The following MYH9 variants were observed in gnomAD, a reference collection of about 807,000 sequenced individuals.
MYH9 encodes the protein myosin heavy chain 9, also known as myosin-9.
MYH9 carries 29 observed loss-of-function variants against 241.9 expected under a neutral mutation model. That is an observed-to-expected ratio of 0.12 (90% confidence interval 0.09 to 0.16). The LOEUF is 0.16. MYH9 is among the 10% of genes least tolerant of loss of function. The probability of loss-of-function intolerance (pLI) is 1.00; values close to 1 mark genes in which losing one functional copy is unlikely to be tolerated. For synonymous variants in MYH9, 1,047 were observed against 1,062.6 expected, an observed-to-expected ratio of 0.99 and a Z score of 0.29; for missense variants, 1,803 against 2,595.5, an observed-to-expected ratio of 0.69 and a Z score of 6.63.
chr22:36,354,925 C>T lies in MYH9; in HGVS notation c.-19-5670G>A, dbSNP rs2017828565. On this transcript the variant is annotated intron_variant, in intron 1 of 40. Transcript: ENST00000216181. ...AGCAACCAACCAGCATCATCATCTA[C>T]CACTTAAAAAAACAAAAAAACAAAA... Among the ~76,000 whole-genome samples, 6 of 138,630 alleles carry T rather than the reference C, an allele frequency of 4.3e-5. No individual in the cohort carries two copies. In the South Asian group the frequency reaches 1.4e-3, roughly 31 times the overall value. 90.9% of individuals were successfully genotyped at this position (138,630 alleles called of 152,430 possible).
Position 36,282,315 on chromosome 22 carries a change from C to T in MYH9, c.*353G>A, listed in dbSNP as rs2016503494. ...GCCTCAGTCTGAAGAAAAATAGATT[C>T]ATAGAAAACTCTGGCCCCTCCCCGG... On this transcript the variant is annotated 3_prime_UTR_variant, in exon 41 of 41. Coordinates refer to ENST00000216181, the MANE Select transcript of MYH9 (RefSeq NM_002473.6). 3 of 441,934 alleles carry T rather than the reference C, an allele frequency of 6.8e-6. No homozygotes were observed. The East Asian group carries it at 1.2e-4, about 17-fold the overall frequency. 27.4% of individuals were successfully genotyped at this position (441,934 alleles called of 1,614,324 possible). A position where few individuals can be genotyped will look rare whatever the true frequency, so the allele number is the denominator to read the frequency against.
At chr22:36,386,213 G>A (rs1569537445) in intron 1 of MYH9, among the ~76,000 whole-genome samples, 1 of 152,028 alleles carries the variant, frequency 6.6e-6, no homozygotes, top group Non-Finnish European at 1.5e-5. Flanking sequence ...ATTTGTCTCA[G>A]TTCTCCCCTA....
chr22:36,328,852 G>A (rs2017376477), intron 3 of MYH9: 1 of 152,246 alleles, frequency 6.6e-6, no homozygotes, highest in South Asian at 2.1e-4. Flanking sequence ...CTGGGAGAAT[G>A]ACTCACGGCT....
At position 36,288,975 on chromosome 22, in the gene MYH9, A is replaced by G; in HGVS notation, c.4558-36T>C. 2 of 1,613,170 alleles carry G rather than the reference A, an allele frequency of 1.2e-6. No individual in the cohort carries two copies. Among genetic ancestry groups the G allele is most frequent in the Non-Finnish European group, 1.7e-6 (2 of 1,179,922 alleles). On this transcript the variant is annotated intron_variant, in intron 32 of 40. Transcript: ENST00000216181. The surrounding 1 kb of genome is among the most constrained non-coding windows in gnomAD (Gnocchi z 4.8). ...GAGAGCCCAAGTCAGGAGCAAAGGG[A>G]CTGGCAGGTACCTGGGTCTGCGCGA... is the stretch of plus-strand genomic sequence containing the variant.
At chr22:36,298,783 G>T in intron 24 of MYH9, 136 bp downstream of exon 24, 2 of 1,342,830 alleles carry the variant, frequency 1.5e-6, no homozygotes, top group Non-Finnish European at 2.1e-6. Context: ...AAGGGCAGCA[G>T]CCAGTGCTGT....
chr22:36,288,933 C>T lies in MYH9; in HGVS notation c.4564G>A (p.Glu1522Lys), dbSNP rs2016637668. The T allele has an allele frequency of 6.2e-7, 1 of 1,613,768 alleles. No individual in the cohort carries two copies. Among genetic ancestry groups the T allele is most frequent in the African/African-American group, 1.3e-5 (1 of 74,920 alleles). ...AGGGCCCGCTTGGACTTCTCCAGCT[C>T]GTGGACCTGAGCCCCAGAGAGCCCA... ...SKDDVGKSVH[E>K]LEKSKRALEQ... is the part of the protein sequence containing the mutation. The change falls in exon 33 of 41, where the codon GAG becomes AAG. Residue 1522 changes from glutamate (E) to lysine (K), a missense_variant. Physicochemically the swap from Glu to Lys is moderately conservative, Grantham distance 56 (BLOSUM62 1). Around this residue, in one of 11 missense-constraint regions of MYH9, gnomAD observed 876 missense variants for 1,077.8 expected, o/e 0.81. Coordinates refer to ENST00000216181, the MANE Select transcript of MYH9 (RefSeq NM_002473.6). The surrounding 1 kb of genome is among the most constrained non-coding windows in gnomAD (Gnocchi z 4.8).
In MYH9 at chr22:36,349,212, A is replaced by G. The variant is rs1396960700; in HGVS notation, c.25T>C (p.Tyr9His). MAQQAADKYLYVDKNFINN... is the reference protein window; with the variant it reads MAQQAADKHLYVDKNFINN... ...ATGAAGTTTTTATCCACATAGAGAT[A>G]CTTATCGGCAGCTTGCTGTGCCATG... Residue 9 changes from tyrosine (Y) to histidine (H), a missense_variant, in exon 2 of 41, where the codon TAT (tyrosine) becomes CAT (histidine). By Grantham distance (83) the Tyr-to-His change is moderately conservative. Transcript: ENST00000216181. The G allele has an allele frequency of 1.2e-5, 20 of 1,614,116 alleles. No individual in the cohort carries two copies. The highest frequency in any genetic ancestry group is 1.7e-5 in the Non-Finnish European group (20 of 1,180,054).
Position 36,294,343 on chromosome 22 carries a change from C to T in MYH9, c.3631-45G>A, listed in dbSNP as rs374495454. The stretch of plus-strand genomic sequence containing the variant: ...AGACGTGAGTGGGGGCCTCCTGACA[C>T]AAGGCTGGCTGGTCTATCATCACTG... On this transcript the variant is annotated intron_variant, in intron 27 of 40. Coordinates refer to ENST00000216181, the MANE Select transcript of MYH9 (RefSeq NM_002473.6). The T allele has an allele frequency of 3.8e-5, 60 of 1,596,256 alleles. 1 individual carries two copies. The highest frequency in any genetic ancestry group is 5.0e-5 in the Non-Finnish European group (58 of 1,169,016).
At chr22:36,299,315 GAC>G (rs1441871675) in intron 23 of MYH9, among the ~76,000 whole-genome samples, 1 of 152,186 alleles carries the variant, frequency 6.6e-6, no homozygotes, top group Admixed American at 6.5e-5. Context: ...GATTCCAGGT[GAC>G]AGCTAGTGTC....
intron 1 of MYH9, among the ~76,000 whole-genome samples, chr22:36,350,813 C>T (rs571591697): frequency 3.2e-4 from 49 of 152,312 alleles, no homozygotes; most frequent in African/African-American, 1.2e-3. Flanking sequence ...CCTGAGGTGA[C>T]TACCCTAGTG....
rs760287824 is a variant in MYH9, at chr22:36,285,353, T to C, written c.5275-24A>G. 1.9e-6 allele frequency: 3 copies of C among 1,603,316 alleles called. No individual in the cohort carries two copies. Among genetic ancestry groups the C allele is most frequent in the Middle Eastern group, 1.7e-4 (1 of 6,054 alleles). The stretch of plus-strand genomic sequence containing the variant: ...ATCTGCAGAAGAAGGGCCAGTGACC[T>C]TGGGGAGGGCTGGGGCCCTGGCTGG... On this transcript the variant is annotated intron_variant, in intron 37 of 40. Coordinates refer to ENST00000216181, the MANE Select transcript of MYH9 (RefSeq NM_002473.6). The surrounding 1 kb of genome is among the most constrained non-coding windows in gnomAD (Gnocchi z 7.0).
chr22:36,283,571 G>C (rs776499244), intron 40 of MYH9, among the ~76,000 whole-genome samples: 6 of 149,376 alleles, frequency 4.0e-5, no homozygotes, highest in Non-Finnish European at 7.4e-5. Context: ...AAAAAAACAC[G>C]TAAACACATA....
chr22:36,316,131 G>A (rs1203814486), intron 12 of MYH9, among the ~76,000 whole-genome samples: 17 of 147,034 alleles, frequency 1.2e-4, no homozygotes, highest in East Asian at 8.1e-4. Context: ...TCTGCCTCCC[G>A]GGTTCAAGCA....
chr22:36,366,465 G>A (rs983385605), intron 1 of MYH9, among the ~76,000 whole-genome samples: 14 of 152,132 alleles, frequency 9.2e-5, no homozygotes, highest in Non-Finnish European at 1.5e-4. Context: ...CATTCATCTC[G>A]TGGTGTTTAC....
chr22:36,291,863 C>T lies in MYH9; in HGVS notation c.4344+123G>A, dbSNP rs574368282. 4.9e-6 allele frequency: 7 copies of T among 1,425,786 alleles called. No homozygotes were observed. In the South Asian group the frequency reaches 6.2e-5, roughly 13 times the overall value. The allele number at this position is 1,425,786 out of a possible 1,614,324, so 88.3% of individuals were successfully genotyped here. ...AGCCTGAGGGTCCTCTAAGCACTGG[C>T]CCCGCACGGCCCCTCCCCGGCGAGA... On this transcript the variant is annotated intron_variant, in intron 31 of 40. Transcript: ENST00000216181.
At chr22:36,383,748 A>G (rs2146430536) in intron 1 of MYH9, among the ~76,000 whole-genome samples, 1 of 151,728 alleles carries the variant, frequency 6.6e-6, no homozygotes, top group South Asian at 2.1e-4. Context: ...ACCTGAGGTC[A>G]GGAGCTCGAG....
intron 1 of MYH9, among the ~76,000 whole-genome samples, chr22:36,373,201 T>A (rs936318227): frequency 1.3e-5 from 2 of 152,222 alleles, no homozygotes; most frequent in South Asian, 4.1e-4. Context: ...CTCCTGCCAA[T>A]GGCCTTCCGA....
At position 36,329,282 on chromosome 22, in the gene MYH9, C is replaced by CA. The variant is rs113306641; in HGVS notation, c.491-1795_491-1794insT. On this transcript the variant is annotated intron_variant, in intron 3 of 40. Transcript: ENST00000216181. This position sits in a 1 kb window ranked among gnomAD's most constrained non-coding sequence, Gnocchi z 4.1. ...TCCCCCTTGCCTTTCTCAAAAAACA[C>CA]GAGTCCTTCAAGCCTGCACAGCGAG... is the stretch of plus-strand genomic sequence containing the variant. 0.48 allele frequency among the ~76,000 whole-genome samples: 73,608 copies of CA among 151,918 alleles called. 19,856 individuals carry two copies. Among genetic ancestry groups the CA allele is most frequent in the Non-Finnish European group, 0.6 (40,944 of 67,910 alleles).
intron 1 of MYH9, among the ~76,000 whole-genome samples, chr22:36,358,448 G>A (rs561368572): frequency 1.3e-5 from 2 of 152,218 alleles, no homozygotes; most frequent in South Asian, 2.1e-4. Flanking sequence ...GGGACAGCCG[G>A]ATTATTTCCC....
Sources: gnomAD v4.1 joint callset for allele counts (sites outside exome capture counted in the v4.1 genomes callset) on GRCh38, gnomAD v4.1.1 for gene constraint, gnomAD v4.1.1 regional missense constraint, Gnocchi (gnomAD v3.1) non-coding constraint, MANE v1.5 for transcripts, NCBI Gene and HGNC (gene_info 2026-07-23, HGNC 2026-07-21) for gene names.